The following TAFA1 variants were observed in gnomAD, a reference collection of about 807,000 sequenced individuals.
The protein encoded by TAFA1 is TAFA chemokine like family member 1.
TAFA1 carries 4 observed loss-of-function variants against 18.5 expected under a neutral mutation model. That is an observed-to-expected ratio of 0.22 (90% CI 0.11 to 0.49). The LOEUF (loss-of-function observed/expected upper bound fraction) is 0.49, where lower values mean the gene tolerates loss of function less well. TAFA1 is among the 20% of genes least tolerant of loss of function. TAFA1 has a pLI of 0.98. For missense variants in TAFA1, 147 were observed against 169.0 expected (o/e 0.87, Z 0.72); for synonymous variants, 56 against 55.2 (o/e 1.01, Z -0.06).
At chr3:68,502,990 A>T (rs1016323280) in intron 3 of TAFA1, among the ~76,000 whole-genome samples, 25 of 152,184 alleles carry the variant, frequency 1.6e-4, no homozygotes, top group African/African-American at 5.5e-4. Flanking sequence ...ATGGAATATT[A>T]TTCTGCCATA....
At chr3:68,046,534 C>T (rs1195802059) in intron 2 of TAFA1, among the ~76,000 whole-genome samples, 1 of 152,022 alleles carries the variant, frequency 6.6e-6, no homozygotes, top group Non-Finnish European at 1.5e-5. Context: ...GCAAAATTGT[C>T]CAGTTAGGGT....
chr3:68,236,371 A>G (rs887519270), intron 2 of TAFA1, among the ~76,000 whole-genome samples: 4 of 152,260 alleles, frequency 2.6e-5, no homozygotes, highest in African/African-American at 7.2e-5. Context: ...TGCATTCAAA[A>G]TGAACTTATG....
intron 2 of TAFA1, among the ~76,000 whole-genome samples, chr3:68,057,979 C>A (rs577463737): frequency 1.3e-5 from 2 of 152,176 alleles, no homozygotes; most frequent in African/African-American, 4.8e-5. Context: ...GACTTCTGAT[C>A]TCACTGCAAG....
intron 3 of TAFA1, among the ~76,000 whole-genome samples, chr3:68,456,330 G>C (rs367625498): frequency 6.6e-6 from 1 of 152,134 alleles, no homozygotes; most frequent in Non-Finnish European, 1.5e-5. Context: ...GCTTGCTTCT[G>C]TTCCTTACCA....
Position 68,081,543 on chromosome 3 carries a change from C to G in TAFA1, c.118+74799C>G, listed in dbSNP as rs561573927. ...TTTTCCTTCTAACAGACAGGACCCT[C>G]AGCTGCAGGTCTGTTGGAATACCCT... On this transcript the variant is annotated intron_variant, in intron 2 of 4. Transcript: ENST00000478136. Among the ~76,000 whole-genome samples, 392 of 152,176 alleles carry G rather than the reference C, an allele frequency of 2.6e-3. 2 individuals carry two copies. Among genetic ancestry groups the G allele is most frequent in the African/African-American group, 9.1e-3 (377 of 41,534 alleles).
chr3:68,389,361 T>C (rs913024808), intron 2 of TAFA1, among the ~76,000 whole-genome samples: 4 of 152,050 alleles, frequency 2.6e-5, no homozygotes, highest in African/African-American at 9.7e-5. Flanking sequence ...TCATTTCTTA[T>C]ATTATCTTTA....
chr3:68,115,072 G>T (rs891658128), intron 2 of TAFA1, among the ~76,000 whole-genome samples: 1 of 152,188 alleles, frequency 6.6e-6, no homozygotes, highest in African/African-American at 2.4e-5. Context: ...AAGTAAAAAT[G>T]TCAGAACCCC....
intron 2 of TAFA1, among the ~76,000 whole-genome samples, chr3:68,130,765 T>A (rs1575634500): frequency 6.6e-6 from 1 of 152,192 alleles, no homozygotes; most frequent in African/African-American, 2.4e-5. Context: ...TCTGGATCCA[T>A]CTGCCTGAAA....
intron 2 of TAFA1, among the ~76,000 whole-genome samples, chr3:68,200,052 A>G (rs1586817): frequency 0.68 from 102,871 of 151,334 alleles, 35,371 homozygotes; most frequent in South Asian, 0.78. Context: ...TCATAAATGG[A>G]TGTTGGATTT....
chr3:68,491,305 A>G (rs867265357), intron 3 of TAFA1, among the ~76,000 whole-genome samples: 1 of 152,240 alleles, frequency 6.6e-6, no homozygotes, highest in Middle Eastern at 3.4e-3. Flanking sequence ...TCCAACAATG[A>G]TAGACTGGAT....
chr3:68,257,873 C>T (rs998314426), intron 2 of TAFA1, among the ~76,000 whole-genome samples: 2 of 152,102 alleles, frequency 1.3e-5, no homozygotes, highest in Admixed American at 6.6e-5. Context: ...TCATGTGCCC[C>T]CTGATTTCAC....
At chr3:68,326,361 T>G (rs949324533) in intron 2 of TAFA1, among the ~76,000 whole-genome samples, 1 of 152,320 alleles carries the variant, frequency 6.6e-6, no homozygotes, top group Non-Finnish European at 1.5e-5. Flanking sequence ...GACAATTATC[T>G]TTGGAAATTA....
intron 3 of TAFA1, among the ~76,000 whole-genome samples, chr3:68,419,877 A>C (rs1575850913): frequency 1.3e-5 from 2 of 152,190 alleles, no homozygotes; most frequent in Non-Finnish European, 2.9e-5. Context: ...AACCTCGTGG[A>C]ATTCGTAAAT....
At chr3:68,452,047 A>C (rs912799138) in intron 3 of TAFA1, among the ~76,000 whole-genome samples, 6 of 152,134 alleles carry the variant, frequency 3.9e-5, no homozygotes, top group Non-Finnish European at 8.8e-5. Flanking sequence ...AGGAAAGGCC[A>C]AGAGAGGGGA....
intron 3 of TAFA1, among the ~76,000 whole-genome samples, chr3:68,485,862 A>G (rs1212686186): frequency 1.3e-5 from 2 of 152,172 alleles, no homozygotes; most frequent in African/African-American, 4.8e-5. Context: ...CTATCTCTCC[A>G]GTCACTGCTT....
intron 2 of TAFA1, among the ~76,000 whole-genome samples, chr3:68,027,925 C>T (rs1204965703): frequency 6.6e-6 from 1 of 152,112 alleles, no homozygotes; most frequent in Non-Finnish European, 1.5e-5. Flanking sequence ...GCTTTGTGAA[C>T]TGAAGAGGGT....
At chr3:67,995,887 G>C in the TAFA1 span, among the ~76,000 whole-genome samples, 1 of 152,136 alleles carries the variant, frequency 6.6e-6, no homozygotes, top group African/African-American at 2.4e-5. Context: ...GAATCTTGCT[G>C]CAAATTCATA....
At chr3:68,045,692 A>T (rs1284945388) in intron 2 of TAFA1, among the ~76,000 whole-genome samples, 3 of 152,100 alleles carry the variant, frequency 2.0e-5, no homozygotes, top group Non-Finnish European at 4.4e-5. Context: ...TTGATTGATT[A>T]TGTCTAGCTT....
At chr3:68,412,637 T>C (rs2070738514) in intron 2 of TAFA1, among the ~76,000 whole-genome samples, 1 of 152,176 alleles carries the variant, frequency 6.6e-6, no homozygotes. Context: ...TTTGGTTTTA[T>C]GTCCTTGTGA....
Sources: gnomAD v4.1 joint callset for allele counts (sites outside exome capture counted in the v4.1 genomes callset) on GRCh38, gnomAD v4.1.1 for gene constraint, MANE v1.5 for transcripts, NCBI Gene and HGNC (gene_info 2026-07-23, HGNC 2026-07-21) for gene names.